Variants in ST8SIA6 observed in about 807,000 individuals in gnomAD.
The protein encoded by ST8SIA6 is ST8 alpha-N-acetyl-neuraminide alpha-2,8-sialyltransferase 6, also known as alpha-2,8-sialyltransferase 8F.
ST8SIA6 carries 39 observed loss-of-function variants against 33.6 expected under a neutral mutation model. That is an observed-to-expected ratio of 1.16 (90% confidence interval 0.90 to 1.52). The LOEUF is 1.52. ST8SIA6 is among the 40% of genes most tolerant of loss of function. The pLI is 0.00. For missense variants in ST8SIA6, 441 were observed against 443.8 expected, an observed-to-expected ratio of 0.99 and a Z score of 0.06; for synonymous variants, 172 against 167.2, an observed-to-expected ratio of 1.03 and a Z score of -0.22.
At chr10:17,453,733 C>T in intron 1 of ST8SIA6, 76 bp from the exon 2 acceptor site, 11 of 1,147,160 alleles carry the variant, frequency 9.6e-6, no homozygotes, top group Non-Finnish European at 1.2e-5. Flanking sequence ...GAGTCGCGCT[C>T]CTTGCCTGGC....
chr10:17,446,048 A>C (rs1221919039), intron 2 of ST8SIA6, among the ~76,000 whole-genome samples: 2 of 152,060 alleles, frequency 1.3e-5, no homozygotes. Context: ...TAAAAAAAAA[A>C]ACTCAAACTT....
chr10:17,423,244 C>T (rs1851833170), intron 2 of ST8SIA6, among the ~76,000 whole-genome samples: 1 of 152,206 alleles, frequency 6.6e-6, no homozygotes, highest in South Asian at 2.1e-4. Flanking sequence ...GTGAAATTCA[C>T]TATATTTACA....
intron 3 of ST8SIA6, among the ~76,000 whole-genome samples, chr10:17,361,828 G>A (rs1466837565): frequency 2.0e-5 from 3 of 151,946 alleles, no homozygotes; most frequent in African/African-American, 7.2e-5. Context: ...AAAGCACTGT[G>A]ACCTACTGAG....
chr10:17,453,014 AAGC>A (rs929364838), intron 2 of ST8SIA6, among the ~76,000 whole-genome samples: 1 of 150,646 alleles, frequency 6.6e-6, no homozygotes, highest in African/African-American at 2.5e-5. Flanking sequence ...TTTCTGCACA[AAGC>A]TGTATTACTT....
chr10:17,421,997 A>G (rs1042988249), intron 2 of ST8SIA6, among the ~76,000 whole-genome samples: 1 of 152,020 alleles, frequency 6.6e-6, no homozygotes, highest in African/African-American at 2.4e-5. Flanking sequence ...AGAATTTATT[A>G]TAGACTATAC....
intron 2 of ST8SIA6, among the ~76,000 whole-genome samples, chr10:17,394,205 G>A (rs756737543): frequency 1.6e-4 from 24 of 151,962 alleles, no homozygotes; most frequent in African/African-American, 4.1e-4. Flanking sequence ...CAGAAGATAC[G>A]TGGAAACAAA....
chr10:17,397,226 G>GTTTT lies in ST8SIA6; in HGVS notation c.201-6610_201-6607dup, dbSNP rs1483021820. Among the ~76,000 whole-genome samples the GTTTT allele has an allele frequency of 5.8e-3, 466 of 79,802 alleles. 34 individuals carry two copies. Among genetic ancestry groups the GTTTT allele is most frequent in the Middle Eastern group, 8.5e-3 (1 of 118 alleles). 52.4% of individuals were successfully genotyped at this position (79,802 alleles called of 152,430 possible). ...CGAGGGGTTGTGTCGTTTGCAAATTGTTTTTTGTTTTTTTTTTTTTTTTTG... is the reference window on the plus strand; with the variant it reads ...CGAGGGGTTGTGTCGTTTGCAAATTGTTTTTTTTTTGTTTTTTTTTTTTTTTTTG... On this transcript the variant is annotated intron_variant, in intron 2 of 7. Coordinates refer to ENST00000377602, the MANE Select transcript of ST8SIA6 (RefSeq NM_001004470.3).
At chr10:17,446,039 A>T (rs984773945) in intron 2 of ST8SIA6, among the ~76,000 whole-genome samples, 6 of 119,580 alleles carry the variant, frequency 5.0e-5, no homozygotes, top group African/African-American at 1.4e-4. Context: ...TATCACAATT[A>T]AAAAAAAAAA....
At chr10:17,354,777 G>C (rs182358906) in intron 4 of ST8SIA6, among the ~76,000 whole-genome samples, 1 of 152,238 alleles carries the variant, frequency 6.6e-6, no homozygotes, top group Admixed American at 6.5e-5. Flanking sequence ...AAATACATTA[G>C]TCCATGTGGA....
intron 3 of ST8SIA6, among the ~76,000 whole-genome samples, chr10:17,363,166 C>G (rs1463209684): frequency 1.3e-5 from 2 of 152,200 alleles, no homozygotes; most frequent in South Asian, 4.1e-4. Context: ...CCATTTAAAG[C>G]CCAGCCCTCC....
intron 2 of ST8SIA6, among the ~76,000 whole-genome samples, chr10:17,439,560 C>A (rs781707758): frequency 6.6e-6 from 1 of 152,200 alleles, no homozygotes; most frequent in East Asian, 1.9e-4. Flanking sequence ...GGATTACAGG[C>A]GTGAGCCACC....
At chr10:17,438,914 C>T (rs996576071) in intron 2 of ST8SIA6, among the ~76,000 whole-genome samples, 2 of 152,190 alleles carry the variant, frequency 1.3e-5, no homozygotes, top group African/African-American at 4.8e-5. Context: ...CCTTTTGAGC[C>T]TCTTCACATA....
rs1030975961 is a variant in ST8SIA6 at position 17,317,160 on chromosome 10, T to C, written c.*3718A>G. 6.6e-6 allele frequency among the ~76,000 whole-genome samples: 1 copy of C among 152,204 alleles called. No individual in the cohort carries two copies. Among genetic ancestry groups the C allele is most frequent in the Non-Finnish European group, 1.5e-5 (1 of 68,034 alleles). ...CAATGTAGGCATTTATTTTTCTCCA[T>C]AGAGTGAGCCAATGTTTCAATATTA... On this transcript the variant is annotated 3_prime_UTR_variant, in exon 8 of 8. Coordinates refer to ENST00000377602, the MANE Select transcript of ST8SIA6 (RefSeq NM_001004470.3).
intron 2 of ST8SIA6, among the ~76,000 whole-genome samples, chr10:17,400,360 C>T (rs1343814767): frequency 6.6e-6 from 1 of 152,096 alleles, no homozygotes; most frequent in Non-Finnish European, 1.5e-5. Context: ...GGTGAAACCC[C>T]ATGTCTACTA....
intron 4 of ST8SIA6, among the ~76,000 whole-genome samples, chr10:17,340,657 G>T (rs1848644008): frequency 6.6e-6 from 1 of 152,158 alleles, no homozygotes. Flanking sequence ...ATGTTTGAGT[G>T]TTATTTCTTT....
chr10:17,339,288 C>G (rs934037743), intron 4 of ST8SIA6, among the ~76,000 whole-genome samples: 3 of 152,150 alleles, frequency 2.0e-5, no homozygotes, highest in African/African-American at 7.2e-5. Context: ...CCGAGGCTAA[C>G]GACCTAAAGG....
intron 2 of ST8SIA6, among the ~76,000 whole-genome samples, chr10:17,416,567 C>G (rs564348509): frequency 6.6e-6 from 1 of 152,336 alleles, no homozygotes; most frequent in African/African-American, 2.4e-5. Context: ...ATGAACTGCT[C>G]AAGCCAAACA....
At chr10:17,449,520 A>G (rs1852836310) in intron 2 of ST8SIA6, among the ~76,000 whole-genome samples, 1 of 152,268 alleles carries the variant, frequency 6.6e-6, no homozygotes, top group Non-Finnish European at 1.5e-5. Context: ...GAATGCAAAA[A>G]GAGAAGATAA....
intron 2 of ST8SIA6, among the ~76,000 whole-genome samples, chr10:17,392,813 G>A (rs1850664347): frequency 6.6e-6 from 1 of 152,160 alleles, no homozygotes; most frequent in African/African-American, 2.4e-5. Flanking sequence ...CCGATGAAAT[G>A]CCCACTGTAT....
Sources: allele counts gnomAD v4.1 joint callset (sites outside exome capture counted in the v4.1 genomes callset), GRCh38; gene constraint gnomAD v4.1.1; transcripts MANE v1.5; gene names NCBI Gene and HGNC (gene_info 2026-07-23, HGNC 2026-07-21).